The following KATNAL1 variants were observed in gnomAD, a reference collection of about 807,000 sequenced individuals.
The protein encoded by KATNAL1 is katanin p60 ATPase-containing subunit A-like 1.
A neutral mutation model predicts 55.2 loss-of-function variants in KATNAL1; 32 were observed. The ratio of observed to expected loss-of-function variants is 0.58; its 90% CI spans 0.44 to 0.78. The LOEUF (loss-of-function observed/expected upper bound fraction) is 0.78. Among genes scored for constraint, KATNAL1 ranks in the 30% least tolerant of loss-of-function variants. The pLI, the probability that KATNAL1 is intolerant of heterozygous loss-of-function variation, is 0.00. For missense variants in KATNAL1, 466 were observed against 600.9 expected (o/e 0.78, Z 2.35); for synonymous variants, 193 against 193.6 (o/e 1.00, Z 0.02).
intron 1 of KATNAL1, among the ~76,000 whole-genome samples, chr13:30,284,125 G>A (rs1357354933): frequency 6.6e-6 from 1 of 152,126 alleles, no homozygotes; most frequent in Non-Finnish European, 1.5e-5. Context: ...CTCCCAAAGT[G>A]CTGGGATTAC....
At chr13:30,234,108 A>C (rs1267988736) in intron 6 of KATNAL1, among the ~76,000 whole-genome samples, 3 of 152,206 alleles carry the variant, frequency 2.0e-5, no homozygotes, top group Non-Finnish European at 4.4e-5. Flanking sequence ...TGGATATCCC[A>C]TTTATACTGA....
chr13:30,211,774 G>A (rs370791786), intron 9 of KATNAL1, among the ~76,000 whole-genome samples: 52 of 152,330 alleles, frequency 3.4e-4, no homozygotes, highest in African/African-American at 1.2e-3. Flanking sequence ...TGCTCTGGAA[G>A]AGCAACAGCA....
At chr13:30,257,098 G>A (rs1593898299) in intron 3 of KATNAL1, among the ~76,000 whole-genome samples, 1 of 152,018 alleles carries the variant, frequency 6.6e-6, no homozygotes, top group Non-Finnish European at 1.5e-5. Context: ...AAAATGTGAC[G>A]AGTCTGGTAA....
chr13:30,267,017 C>A (rs913473720), intron 3 of KATNAL1, among the ~76,000 whole-genome samples: 1 of 152,122 alleles, frequency 6.6e-6, no homozygotes, highest in Admixed American at 6.5e-5. Flanking sequence ...AGTTGCTAAG[C>A]CATTCATTCA....
At chr13:30,272,925 A>G (rs762514868) in intron 3 of KATNAL1, among the ~76,000 whole-genome samples, 1 of 152,198 alleles carries the variant, frequency 6.6e-6, no homozygotes, top group Non-Finnish European at 1.5e-5. Flanking sequence ...AAATGATTGC[A>G]TAAGCGCTCA....
intron 2 of KATNAL1, among the ~76,000 whole-genome samples, chr13:30,283,001 G>A (rs1162197039): frequency 1.0e-4 from 15 of 149,808 alleles, no homozygotes; most frequent in South Asian, 6.3e-4. Context: ...CAGGTACAGC[G>A]GCTCACGCTT....
rs934590448 is a variant in KATNAL1 at position 30,205,403 on chromosome 13, T to C, written c.*3137A>G. On this transcript the variant is annotated 3_prime_UTR_variant, in exon 11 of 11. Coordinates refer to ENST00000380615, the MANE Select transcript of KATNAL1 (RefSeq NM_032116.5). The stretch of plus-strand genomic sequence containing the variant: ...AATGAAGGGACTATCTGATCAGATA[T>C]CTGCAAAGCAGACTTAGCTTAGTCC... 1.3e-5 allele frequency: 2 copies of C among 152,242 alleles called. No individual in the cohort carries two copies. Among genetic ancestry groups the C allele is most frequent in the Non-Finnish European group, 2.9e-5 (2 of 68,050 alleles). The allele number at this position is 152,242 out of a possible 1,614,324, so 9.4% of individuals were successfully genotyped here.
intron 6 of KATNAL1, among the ~76,000 whole-genome samples, chr13:30,236,716 T>C (rs567820884): frequency 6.6e-6 from 1 of 152,332 alleles, no homozygotes. Context: ...ATCTTTAGCA[T>C]GGCATGCAGG....
At position 30,208,730 on chromosome 13, in the gene KATNAL1, G is replaced by A. The variant is rs1353900497; in HGVS notation, c.1283C>T (p.Ser428Phe). The change falls in exon 11 of 11, where the codon TCT (serine) becomes TTT (phenylalanine). Residue 428 changes from serine to phenylalanine, a missense_variant. This residue lies in a region of KATNAL1 where 213 missense variants were observed against 308.6 expected (regional missense o/e 0.69). Coordinates refer to ENST00000380615, the MANE Select transcript of KATNAL1 (RefSeq NM_032116.5). ...ADITNVCRDA[S>F]LMAMRRRING... ...GATACGCCGTCTCATTGCCATTAAA[G>A]AGGCATCCCTAAAAATATACCAAAA... The A allele has an allele frequency of 6.2e-7, 1 of 1,606,070 alleles. No individual in the cohort carries two copies. Among genetic ancestry groups the A allele is most frequent in the Middle Eastern group, 1.7e-4 (1 of 6,032 alleles).
chr13:30,303,924 G>A (rs1365583374), intron 1 of KATNAL1, among the ~76,000 whole-genome samples: 3 of 152,200 alleles, frequency 2.0e-5, no homozygotes, highest in Admixed American at 1.3e-4. Flanking sequence ...CTAGAACAGG[G>A]CCTTTCTATC....
intron 3 of KATNAL1, among the ~76,000 whole-genome samples, chr13:30,278,241 A>C (rs1881012748): frequency 6.6e-6 from 1 of 151,730 alleles, no homozygotes; most frequent in Admixed American, 6.6e-5. Flanking sequence ...ATACAATCTG[A>C]GATTTGCTTT....
chr13:30,222,835 G>A (rs35331241), intron 9 of KATNAL1, among the ~76,000 whole-genome samples: 23,592 of 152,136 alleles, frequency 0.16, 2,361 homozygotes, highest in East Asian at 0.35. Context: ...GCTCATGCCC[G>A]TAATCTCAGC....
intron 1 of KATNAL1, among the ~76,000 whole-genome samples, chr13:30,305,137 C>T (rs1166229340): frequency 1.3e-5 from 2 of 152,152 alleles, no homozygotes; most frequent in East Asian, 1.9e-4. Flanking sequence ...AAATACAAAT[C>T]TGACGCCACC....
rs9670341 is a variant in KATNAL1 at position 30,260,804 on chromosome 13, C to T, written c.324-5189G>A. On this transcript the variant is annotated intron_variant, in intron 3 of 10. Coordinates refer to ENST00000380615, the MANE Select transcript of KATNAL1 (RefSeq NM_032116.5). ...AGTTGGAAAACACTCTGCAGGATAT[C>T]ATCCAGGAGAACTTCCCCAATCTAG... 2.1e-3 allele frequency among the ~76,000 whole-genome samples: 306 copies of T among 147,178 alleles called. 22 individuals are homozygous for T. The highest frequency in any genetic ancestry group is 6.9e-3 in the African/African-American group (280 of 40,498).
intron 9 of KATNAL1, among the ~76,000 whole-genome samples, chr13:30,214,740 A>T (rs1874041179): frequency 6.6e-6 from 1 of 152,016 alleles, no homozygotes; most frequent in Non-Finnish European, 1.5e-5. Flanking sequence ...CTGAAACTGG[A>T]TCCCTTCCTT....
chr13:30,211,458 GT>G (rs1423906203), intron 9 of KATNAL1, among the ~76,000 whole-genome samples: 1 of 152,198 alleles, frequency 6.6e-6, no homozygotes, highest in Non-Finnish European at 1.5e-5. Context: ...TGGAATATTA[GT>G]GTCTAATACA....
At chr13:30,222,296 CT>C (rs1380315418) in intron 9 of KATNAL1, among the ~76,000 whole-genome samples, 1 of 152,138 alleles carries the variant, frequency 6.6e-6, no homozygotes, top group Non-Finnish European at 1.5e-5. Flanking sequence ...GCAACACTGG[CT>C]CTCCCTGGGT....
chr13:30,269,087 CGGTCTCTCTCTCCCTCTCTTTCCAT>C (rs1275343363), intron 3 of KATNAL1, among the ~76,000 whole-genome samples: 52 of 152,194 alleles, frequency 3.4e-4, no homozygotes, highest in Non-Finnish European at 4.3e-4. Context: ...CCTCTCCCCA[CGGTCTCTCTCTCCCTCTCTTTCCAT>C]GGTCTCCCTC....
rs1321266307 is a variant in KATNAL1 at position 30,208,589 on chromosome 13, G to A, written c.1424C>T (p.Ala475Val). The change falls in exon 11 of 11, where the codon GCA (alanine) becomes GTA (valine). Residue 475 changes from alanine (A) to valine (V), a missense_variant. Physicochemically the swap from Ala to Val is moderately conservative, Grantham distance 64. Coordinates refer to ENST00000380615, the MANE Select transcript of KATNAL1 (RefSeq NM_032116.5). ...CCATTTTTCATACTTCTCCAAGTCT[G>A]CAGCAGAGACAGACTTAGCAATTTT... The part of the protein sequence containing the change: ...LKKIAKSVSA[A>V]DLEKYEKWMV... 1 of 1,611,896 alleles carries A rather than the reference G, an allele frequency of 6.2e-7. No homozygotes were observed.
Sources: gnomAD v4.1 joint callset for allele counts (sites outside exome capture counted in the v4.1 genomes callset) on GRCh38, gnomAD v4.1.1 for gene constraint, gnomAD v4.1.1 regional missense constraint, MANE v1.5 for transcripts, NCBI Gene and HGNC (gene_info 2026-07-23, HGNC 2026-07-21) for gene names.